The following CDIN1 variants were observed in gnomAD, a reference collection of about 807,000 sequenced individuals.
CDIN1 encodes the protein CDAN1-interacting nuclease 1.
A neutral mutation model predicts 45.3 loss-of-function variants in CDIN1; 33 were observed. The ratio of observed to expected loss-of-function variants is 0.73; its 90% CI spans 0.55 to 0.97. The LOEUF is 0.97. CDIN1 is among the 50% of genes least tolerant of loss of function. CDIN1 has a pLI of 0.00. For synonymous variants in CDIN1, 118 were observed against 124.4 expected, an observed-to-expected ratio of 0.95 and a Z score of 0.34; for missense variants, 303 against 339.4, an observed-to-expected ratio of 0.89 and a Z score of 0.84.
rs1330571711 is a variant in CDIN1, at chr15:36,651,106, G to T, written c.213-2992G>T. Among the ~76,000 whole-genome samples the T allele has an allele frequency of 2.6e-5, 4 of 152,066 alleles. No homozygotes were observed. In the East Asian group the frequency reaches 7.7e-4, roughly 29 times the overall value. ...AATACAGTCTTTGAATTCTTAGTTG[G>T]TATCAACTCAATGCTAGCAAGAATG... On this transcript the variant is annotated intron_variant, in intron 3 of 10. Coordinates refer to ENST00000566621, the MANE Select transcript of CDIN1 (RefSeq NM_001321759.2).
chr15:36,692,090 G>A (rs111358886), intron 6 of CDIN1, 36 bp from the exon 7 acceptor site: 54,283 of 1,602,544 alleles, frequency 0.034, 1,136 homozygotes, highest in Middle Eastern at 0.046. Flanking sequence ...TTTTGTAGCC[G>A]CCCCACCCCA....
intron 1 of CDIN1, among the ~76,000 whole-genome samples, chr15:36,598,359 G>A (rs1042500882): frequency 1.7e-4 from 24 of 145,224 alleles, no homozygotes; most frequent in African/African-American, 5.7e-4. Flanking sequence ...AAACAAAATA[G>A]TCCATTGGAA....
intron 10 of CDIN1, among the ~76,000 whole-genome samples, chr15:36,741,353 G>A (rs1416465158): frequency 6.6e-6 from 1 of 151,644 alleles, no homozygotes; most frequent in East Asian, 1.9e-4. Flanking sequence ...CTAGACTGGA[G>A]TATTTCCAAC....
Position 36,618,054 on chromosome 15 carries a change from T to A in CDIN1, c.102-26224T>A. ...CAGCAGTTCTCGGTCTATAGTATTA[T>A]TCCTCAGTCTTGGTCTCCAAATCCT... On this transcript the variant is annotated intron_variant, in intron 1 of 10. Transcript: ENST00000566621. 3.9e-6 allele frequency: 3 copies of A among 767,160 alleles called. No individual in the cohort carries two copies. In the South Asian group the frequency reaches 4.1e-5, roughly 11 times the overall value. 47.5% of individuals were successfully genotyped at this position (767,160 alleles called of 1,614,324 possible). A position where few individuals can be genotyped will look rare whatever the true frequency, so the allele number is the denominator to read the frequency against.
intron 8 of CDIN1, chr15:36,704,691 T>G (rs1477227357): frequency 2.6e-5 from 4 of 152,286 alleles, no homozygotes; most frequent in South Asian, 2.1e-4. Flanking sequence ...CACTAGGTGT[T>G]AATAATATTC....
intron 1 of CDIN1, among the ~76,000 whole-genome samples, chr15:36,635,428 C>T (rs1352839541): frequency 2.0e-5 from 3 of 152,026 alleles, no homozygotes; most frequent in Non-Finnish European, 2.9e-5. Context: ...ATTTGCAAGA[C>T]GTGAAACCTG....
At chr15:36,786,847 C>T (rs1026467288) in intron 10 of CDIN1, among the ~76,000 whole-genome samples, 1 of 152,058 alleles carries the variant, frequency 6.6e-6, no homozygotes. Flanking sequence ...TCCTTTTTGA[C>T]CACTCTCCTC....
intron 1 of CDIN1, among the ~76,000 whole-genome samples, chr15:36,582,948 G>C (rs2037116394): frequency 6.6e-6 from 1 of 151,954 alleles, no homozygotes; most frequent in Admixed American, 6.6e-5. Context: ...ATTTTCCTTT[G>C]AATTACCTGT....
intron 8 of CDIN1, among the ~76,000 whole-genome samples, chr15:36,700,765 A>G (rs2042601723): frequency 6.6e-6 from 1 of 151,884 alleles, no homozygotes; most frequent in South Asian, 2.1e-4. Flanking sequence ...GTTTCAGTAC[A>G]TGTTAGCAGT....
chr15:36,663,759 A>G (rs2041119572), intron 5 of CDIN1, among the ~76,000 whole-genome samples: 1 of 152,214 alleles, frequency 6.6e-6, no homozygotes, highest in Non-Finnish European at 1.5e-5. Context: ...CTATTACAGA[A>G]ATAGCTAAAT....
At chr15:36,606,155 G>A (rs993537988) in intron 1 of CDIN1, among the ~76,000 whole-genome samples, 4 of 151,860 alleles carry the variant, frequency 2.6e-5, no homozygotes, top group African/African-American at 4.8e-5. Flanking sequence ...AAAGCATCAC[G>A]CATTGTGTAG....
intron 1 of CDIN1, among the ~76,000 whole-genome samples, chr15:36,623,556 G>C (rs1292022423): frequency 1.3e-5 from 2 of 152,178 alleles, no homozygotes; most frequent in African/African-American, 2.4e-5. Flanking sequence ...GTTGCAGTGG[G>C]GGTAACCAGT....
chr15:36,581,134 A>G (rs1219343959), intron 1 of CDIN1, among the ~76,000 whole-genome samples: 1 of 152,222 alleles, frequency 6.6e-6, no homozygotes, highest in African/African-American at 2.4e-5. Context: ...TTGACACATA[A>G]TTTAATTTTC....
intron 10 of CDIN1, among the ~76,000 whole-genome samples, chr15:36,804,250 C>G (rs1047022391): frequency 1.3e-5 from 2 of 152,092 alleles, no homozygotes; most frequent in African/African-American, 4.8e-5. Flanking sequence ...TAATAATGAA[C>G]ATTGTTGTAA....
intron 3 of CDIN1, 86 bp downstream of exon 3, chr15:36,645,373 T>C (rs2040275574): frequency 8.8e-7 from 1 of 1,139,198 alleles, no homozygotes; most frequent in Non-Finnish European, 1.2e-6. Context: ...ATTAATTTTC[T>C]ATGTCATATC....
intron 1 of CDIN1, among the ~76,000 whole-genome samples, chr15:36,632,797 T>C (rs1398446668): frequency 1.3e-5 from 2 of 152,238 alleles, no homozygotes; most frequent in Admixed American, 6.5e-5. Context: ...AGATGACTGA[T>C]AAACATTTCT....
chr15:36,588,501 C>T (rs1314313217), intron 1 of CDIN1, among the ~76,000 whole-genome samples: 1 of 152,128 alleles, frequency 6.6e-6, no homozygotes, highest in Non-Finnish European at 1.5e-5. Flanking sequence ...GGAAATTCTA[C>T]TGATGGTTTT....
chr15:36,619,317 G>C, intron 1 of CDIN1: 1 of 723,294 alleles, frequency 1.4e-6, no homozygotes, highest in Non-Finnish European at 2.1e-6. Flanking sequence ...CGTTAAACTT[G>C]AGCTGTAGCT....
intron 3 of CDIN1, among the ~76,000 whole-genome samples, chr15:36,647,854 T>A (rs193249808): frequency 6.6e-6 from 1 of 151,340 alleles, no homozygotes; most frequent in Non-Finnish European, 1.5e-5. Flanking sequence ...TTTTTTTTTT[T>A]TTTGAGACGG....
Sources: allele counts gnomAD v4.1 joint callset (sites outside exome capture counted in the v4.1 genomes callset), GRCh38; gene constraint gnomAD v4.1.1; transcripts MANE v1.5; gene names NCBI Gene and HGNC (gene_info 2026-07-23, HGNC 2026-07-21).